The following SETX variants were observed in gnomAD, a reference collection of about 807,000 sequenced individuals.
SETX encodes the protein helicase senataxin.
Under a neutral mutation model 227.2 loss-of-function variants are expected in SETX, and 90 were observed. That is an observed-to-expected ratio of 0.40 (90% confidence interval 0.33 to 0.47). SETX has a LOEUF of 0.47. Among genes scored for constraint, SETX ranks in the 20% least tolerant of loss-of-function variants. The probability of loss-of-function intolerance (pLI) is 0.91; values close to 1 mark genes in which losing one functional copy is unlikely to be tolerated. For synonymous variants in SETX, 1,210 were observed against 1,113.2 expected (o/e 1.09, Z -1.73); for missense variants, 3,052 against 3,181.5 (o/e 0.96, Z 0.98).
At position 132,326,657 on chromosome 9, in the gene SETX, C is replaced by G; in HGVS notation, c.4941G>C (p.Lys1647Asn). ...ACGAATTCTTCATTTCACCAACTGG[C>G]TTCTGAGCTATGAGGGGAACTGGCT... Reference protein sequence around the residue: ...VPQPVPLIAQKPVGEMKNSCN... With the variant: ...VPQPVPLIAQNPVGEMKNSCN... Residue 1647 changes from lysine (K) to asparagine (N), a missense_variant, in exon 10 of 26, where the codon AAG becomes AAC. Coordinates refer to ENST00000224140, the MANE Select transcript of SETX (RefSeq NM_015046.7). The G allele has an allele frequency of 6.2e-7, 1 of 1,614,072 alleles. No individual in the cohort carries two copies. Among genetic ancestry groups the G allele is most frequent in the South Asian group, 1.1e-5 (1 of 91,064 alleles).
In SETX at chr9:132,334,727, C is replaced by T. The variant is rs1589757407; in HGVS notation, c.719G>A (p.Gly240Asp). The change falls in exon 7 of 26, where the codon GGT (glycine) becomes GAT (aspartate). Residue 240 changes from glycine (G) to aspartate (D), a missense_variant and splice_region_variant. By Grantham distance (94) the Gly-to-Asp change is moderately conservative (BLOSUM62 -1). This residue lies in a region of SETX where 239 missense variants were observed against 240.8 expected (regional missense o/e 0.99). Transcript: ENST00000224140. ...DTTNYKSYWL[G>D]ICMLLTILEE... The stretch of plus-strand genomic sequence containing the variant: ...AAGAATGGTCAGCAACATGCAAATA[C>T]CTGTAAGATCATTTAGAGTTATCTT... 6.2e-7 allele frequency: 1 copy of T among 1,613,994 alleles called. No individual in the cohort carries two copies. The highest frequency in any genetic ancestry group is 1.3e-5 in the African/African-American group (1 of 75,040).
At chr9:132,311,563 A>G (rs1410857515) in intron 11 of SETX, among the ~76,000 whole-genome samples, 194 bp downstream of exon 11, 3 of 152,082 alleles carry the variant, frequency 2.0e-5, no homozygotes, top group South Asian at 2.1e-4. Context: ...CAGAGTGGGG[A>G]AAAAAATCAT....
At chr9:132,325,339 G>C (rs942213007) in intron 10 of SETX, among the ~76,000 whole-genome samples, 55 of 151,916 alleles carry the variant, frequency 3.6e-4, no homozygotes, top group African/African-American at 1.2e-3. Context: ...CTGGGCGACA[G>C]AGCGAGACTC....
Position 132,321,507 on chromosome 9 carries a change from A to T in SETX, c.5274+4817T>A, listed in dbSNP as rs180999733. 5.1e-3 allele frequency among the ~76,000 whole-genome samples: 782 copies of T among 152,254 alleles called. 6 individuals are homozygous for T. Among genetic ancestry groups the T allele is most frequent in the African/African-American group, 0.018 (749 of 41,536 alleles). On this transcript the variant is annotated intron_variant, in intron 10 of 25. Coordinates refer to ENST00000224140, the MANE Select transcript of SETX (RefSeq NM_015046.7). ...CCGTCTCTACTAAAAAATACAAAAA[A>T]TTAGCCAGGCATGGTGGCAGGCACC...
chr9:132,312,233 G>A (rs769535252), intron 10 of SETX, among the ~76,000 whole-genome samples: 14 of 152,142 alleles, frequency 9.2e-5, no homozygotes, highest in Non-Finnish European at 1.8e-4. Flanking sequence ...AACCAGATCA[G>A]CTAGCTCACA....
intron 11 of SETX, among the ~76,000 whole-genome samples, chr9:132,306,662 C>T (rs1845352553): frequency 6.6e-6 from 1 of 151,990 alleles, no homozygotes; most frequent in Admixed American, 6.6e-5. Flanking sequence ...TTTAATTGTT[C>T]AAGTCATATA....
chr9:132,322,895 C>T (rs539566), intron 10 of SETX, among the ~76,000 whole-genome samples: 113,633 of 151,898 alleles, frequency 0.75, 43,848 homozygotes, highest in Non-Finnish European at 0.84. Flanking sequence ...GAATAAAGGA[C>T]TATTCAGAGA....
chr9:132,269,719 G>C lies in SETX; in HGVS notation c.7200-17C>G. 1 of 1,612,172 alleles carries C rather than the reference G, an allele frequency of 6.2e-7. No homozygotes were observed. The highest frequency in any genetic ancestry group is 8.5e-7 in the Non-Finnish European group (1 of 1,178,260). On this transcript the variant is annotated splice_polypyrimidine_tract_variant and intron_variant, in intron 24 of 25. Coordinates refer to ENST00000224140, the MANE Select transcript of SETX (RefSeq NM_015046.7). ...GCCAGGAATCTAGGCAATAAAAAAA[G>C]AGTTCCTTCTTTGTCTAGAATGACT...
chr9:132,306,547 T>C (rs1262467777), intron 11 of SETX, among the ~76,000 whole-genome samples: 1 of 152,152 alleles, frequency 6.6e-6, no homozygotes, highest in East Asian at 1.9e-4. Flanking sequence ...ATATCATTTT[T>C]TTCTCTGTGG....
rs995140248 is a variant in SETX at position 132,263,132 on chromosome 9, G to A, written c.*1107C>T. The A allele has an allele frequency of 2.6e-5, 4 of 152,168 alleles. No individual in the cohort carries two copies. The highest frequency in any genetic ancestry group is 2.0e-4 in the Admixed American group (3 of 15,270). The allele number at this position is 152,168 out of a possible 1,614,324, so 9.4% of individuals were successfully genotyped here. Reference sequence around the variant, plus strand: ...AGGTAGATGATTTCTGAAGATCACAGGAAGTCTACCACTCTCTTCCCAGTT... The same window carrying A: ...AGGTAGATGATTTCTGAAGATCACAAGAAGTCTACCACTCTCTTCCCAGTT... On this transcript the variant is annotated 3_prime_UTR_variant, in exon 26 of 26. Transcript: ENST00000224140.
At chr9:132,285,518 G>A (rs1033730008) in intron 18 of SETX, among the ~76,000 whole-genome samples, 7 of 152,026 alleles carry the variant, frequency 4.6e-5, no homozygotes, top group South Asian at 4.2e-4. Flanking sequence ...AGGCCGAGAC[G>A]GGGGATGACT....
chr9:132,328,398 G>C lies in SETX; in HGVS notation c.3200C>G (p.Thr1067Arg). Reference sequence around the variant, plus strand: ...TTCCTCAAACTGAAAAAGAGTCTCTGTCTTTTCTTCCTTTACTGGATTCTT... The same window carrying C: ...TTCCTCAAACTGAAAAAGAGTCTCTCTCTTTTCTTCCTTTACTGGATTCTT... ...EEKNPVKEEK[T>R]ETLFQFEESD... The change falls in exon 10 of 26, where the codon ACA becomes AGA. Residue 1067 changes from threonine (T) to arginine (R), a missense_variant. Around this residue, in one of 10 missense-constraint regions of SETX, gnomAD observed 1,483 missense variants for 1,312.0 expected, o/e 1.13. Transcript: ENST00000224140. The C allele has an allele frequency of 6.2e-7, 1 of 1,613,932 alleles. No individual in the cohort carries two copies. Among genetic ancestry groups the C allele is most frequent in the Non-Finnish European group, 8.5e-7 (1 of 1,179,968 alleles).
chr9:132,291,676 T>G (rs1844317331), intron 15 of SETX, among the ~76,000 whole-genome samples: 1 of 152,178 alleles, frequency 6.6e-6, no homozygotes, highest in Admixed American at 6.5e-5. Flanking sequence ...CCTGAGCTGT[T>G]GTGGCACCCG....
intron 24 of SETX, among the ~76,000 whole-genome samples, chr9:132,271,081 C>T (rs1263814445): frequency 6.6e-6 from 1 of 152,130 alleles, no homozygotes; most frequent in Admixed American, 6.5e-5. Context: ...ATACAGGTGT[C>T]CTTAGCATCT....
intron 11 of SETX, among the ~76,000 whole-genome samples, chr9:132,308,692 ACT>A (rs1367114576): frequency 6.6e-6 from 1 of 152,198 alleles, no homozygotes; most frequent in Non-Finnish European, 1.5e-5. Context: ...ACTATAAAAC[ACT>A]GAGAAAAATT....
intron 7 of SETX, among the ~76,000 whole-genome samples, 160 bp downstream of exon 7, chr9:132,334,448 C>CA (rs1225116620): frequency 6.6e-6 from 1 of 152,066 alleles, no homozygotes; most frequent in Non-Finnish European, 1.5e-5. Flanking sequence ...GACTTCGTAT[C>CA]AAAAAACAAA....
At chr9:132,268,670 G>A (rs775656394) in intron 25 of SETX, among the ~76,000 whole-genome samples, 1 of 152,178 alleles carries the variant, frequency 6.6e-6, no homozygotes, top group South Asian at 2.1e-4. Context: ...TATTCCACTG[G>A]ATATATTTAA....
intron 11 of SETX, among the ~76,000 whole-genome samples, chr9:132,311,348 G>A (rs1845640631): frequency 6.6e-6 from 1 of 152,110 alleles, no homozygotes; most frequent in Non-Finnish European, 1.5e-5. Context: ...TTATTTTAAA[G>A]AGTTCTGAAT....
chr9:132,341,593 G>A (rs762850658), intron 5 of SETX, among the ~76,000 whole-genome samples: 31 of 152,324 alleles, frequency 2.0e-4, no homozygotes, highest in South Asian at 6.2e-4. Context: ...CAGTCACCAA[G>A]GCTGCAAGTG....
Sources: gnomAD v4.1 joint callset for allele counts (sites outside exome capture counted in the v4.1 genomes callset) on GRCh38, gnomAD v4.1.1 for gene constraint, gnomAD v4.1.1 regional missense constraint, MANE v1.5 for transcripts, NCBI Gene and HGNC (gene_info 2026-07-23, HGNC 2026-07-21) for gene names.